Variants in ZZEF1 observed in about 807,000 individuals in gnomAD.
The protein encoded by ZZEF1 is zinc finger ZZ-type and EF-hand domain containing 1.
A neutral mutation model predicts 342.8 loss-of-function variants in ZZEF1; 157 were observed. The ratio of observed to expected loss-of-function variants is 0.46; its 90% CI spans 0.40 to 0.52. ZZEF1 has a LOEUF of 0.52. ZZEF1 is among the 20% of genes least tolerant of loss of function. The pLI, the probability that ZZEF1 is intolerant of heterozygous loss-of-function variation, is 0.00. For missense variants in ZZEF1, 3,480 were observed against 3,725.6 expected (o/e 0.93, Z 1.72); for synonymous variants, 1,505 against 1,429.1 (o/e 1.05, Z -1.20).
chr17:4,086,473 C>T lies in ZZEF1; in HGVS notation c.2512+13G>A. 6.2e-7 allele frequency: 1 copy of T among 1,613,880 alleles called. No individual in the cohort carries two copies. Among genetic ancestry groups the T allele is most frequent in the Non-Finnish European group, 8.5e-7 (1 of 1,179,902 alleles). ...ACACAGGGTTGTATTAAAGAGAAAA[C>T]CCAAATCCCTACCATCACACAAGTG... On this transcript the variant is annotated intron_variant, in intron 15 of 54. Coordinates refer to ENST00000381638, the MANE Select transcript of ZZEF1 (RefSeq NM_015113.4).
At chr17:4,009,286 G>A (rs566499277) in intron 53 of ZZEF1, 50 of 562,744 alleles carry the variant, frequency 8.9e-5, no homozygotes, top group African/African-American at 4.7e-4. Context: ...TGTGCTGAGG[G>A]GAGGAAAAAA....
chr17:4,053,932 T>A, intron 34 of ZZEF1, 125 bp downstream of exon 34: 3 of 1,094,452 alleles, frequency 2.7e-6, no homozygotes, highest in Non-Finnish European at 3.8e-6. Context: ...CGCCAAGAAG[T>A]CAGAGAAAAT....
chr17:4,104,012 T>C (rs899959540), intron 8 of ZZEF1, among the ~76,000 whole-genome samples: 5 of 152,186 alleles, frequency 3.3e-5, no homozygotes, highest in African/African-American at 1.2e-4. Context: ...AAGGCTGCAC[T>C]CACAAGTAGA....
chr17:4,115,954 A>G (rs1157340386), intron 3 of ZZEF1, among the ~76,000 whole-genome samples: 2 of 152,196 alleles, frequency 1.3e-5, no homozygotes, highest in Non-Finnish European at 2.9e-5. Context: ...TTTTCTTCCA[A>G]TATTTTTAGC....
At chr17:4,023,866 A>AC (rs2056334251) in intron 43 of ZZEF1, among the ~76,000 whole-genome samples, 6 of 151,980 alleles carry the variant, frequency 3.9e-5, no homozygotes, top group Admixed American at 3.9e-4. Context: ...CCACAAACAA[A>AC]CAAACCAACC....
intron 31 of ZZEF1, 57 bp from the exon 32 acceptor site, chr17:4,058,212 AG>A: frequency 6.6e-7 from 1 of 1,523,598 alleles, no homozygotes. Flanking sequence ...CAGAGGCAAC[AG>A]AAGCAATTCA....
At chr17:4,102,454 T>G in intron 8 of ZZEF1, 39 bp from the exon 9 acceptor site, 1 of 1,574,038 alleles carries the variant, frequency 6.4e-7, no homozygotes, top group Non-Finnish European at 8.7e-7. Flanking sequence ...TAAGCTAAAA[T>G]ATGAAGAACT....
intron 26 of ZZEF1, 30 bp downstream of exon 26, chr17:4,070,654 G>A (rs534182427): frequency 1.2e-6 from 2 of 1,601,626 alleles, no homozygotes; most frequent in African/African-American, 1.3e-5. Context: ...TTAGCCTTCA[G>A]ATCAAAAATA....
At chr17:4,083,792 C>G (rs2057769559) in intron 16 of ZZEF1, among the ~76,000 whole-genome samples, 2 of 152,142 alleles carry the variant, frequency 1.3e-5, no homozygotes, top group South Asian at 4.1e-4. Flanking sequence ...CATGTGCCAC[C>G]ACGCCCGGCT....
In ZZEF1 at chr17:4,072,685, C is replaced by T. The variant is rs773737974; in HGVS notation, c.3757G>A (p.Val1253Ile). The change falls in exon 25 of 55, where the codon GTC becomes ATC. Residue 1253 changes from valine to isoleucine, a missense_variant. Physicochemically the swap from Val to Ile is conservative, Grantham distance 29 (BLOSUM62 3). Coordinates refer to ENST00000381638, the MANE Select transcript of ZZEF1 (RefSeq NM_015113.4). ...LVLSSPLWKPVFRHQVCPELE... is the reference protein window; with the variant it reads ...LVLSSPLWKPIFRHQVCPELE... Reference sequence around the variant, plus strand: ...TCTGGACAAACCTGATGCCTGAAGACAGGTTTCCACAGTGGGGAGCTTAGG... The same window carrying T: ...TCTGGACAAACCTGATGCCTGAAGATAGGTTTCCACAGTGGGGAGCTTAGG... The T allele has an allele frequency of 1.1e-5, 17 of 1,613,958 alleles. No individual in the cohort carries two copies. The highest frequency in any genetic ancestry group is 1.4e-5 in the Non-Finnish European group (16 of 1,180,006).
chr17:4,142,971 G>A lies in ZZEF1; in HGVS notation c.-76C>T. The A allele has an allele frequency of 7.8e-7, 1 of 1,274,144 alleles. No individual in the cohort carries two copies. Among genetic ancestry groups the A allele is most frequent in the Non-Finnish European group, 9.9e-7 (1 of 1,014,272 alleles). 78.9% of individuals were successfully genotyped at this position (1,274,144 alleles called of 1,614,324 possible). Reference sequence around the variant, plus strand: ...CGCCTCGACCTGTCAACCTCCGACAGCAGCTGGCGGGCGGGGACGCGGAGG... The same window carrying A: ...CGCCTCGACCTGTCAACCTCCGACAACAGCTGGCGGGCGGGGACGCGGAGG... On this transcript the variant is annotated 5_prime_UTR_variant, in exon 1 of 55. Coordinates refer to ENST00000381638, the MANE Select transcript of ZZEF1 (RefSeq NM_015113.4).
Position 4,075,359 on chromosome 17 carries a change from T to A in ZZEF1, c.3305A>T (p.Asn1102Ile), listed in dbSNP as rs150027253. The A allele has an allele frequency of 6.2e-7, 1 of 1,614,252 alleles. No individual in the cohort carries two copies. The highest frequency in any genetic ancestry group is 8.5e-7 in the Non-Finnish European group (1 of 1,180,038). Residue 1102 changes from asparagine (N) to isoleucine (I), a missense_variant, in exon 22 of 55, where the codon AAC becomes ATC. This residue lies in a region of ZZEF1 where 1,528 missense variants were observed against 1,624.1 expected (regional missense o/e 0.94). Transcript: ENST00000381638. Reference sequence around the variant, plus strand: ...TACCTCATGGCAATTATTTTCATAGTTGTGGGCAGATTCCTTCGTCCACGT... The same window carrying A: ...TACCTCATGGCAATTATTTTCATAGATGTGGGCAGATTCCTTCGTCCACGT... Reference protein sequence around the residue: ...LHTWTKESAHNYENNCHEVSV... With the variant: ...LHTWTKESAHIYENNCHEVSV...
intron 42 of ZZEF1, among the ~76,000 whole-genome samples, chr17:4,026,641 C>T (rs2056412282): frequency 6.6e-6 from 1 of 151,682 alleles, no homozygotes; most frequent in Non-Finnish European, 1.5e-5. Context: ...CCTGCCTTGG[C>T]CTCCCAACTA....
intron 39 of ZZEF1, among the ~76,000 whole-genome samples, chr17:4,037,788 T>A (rs891880654): frequency 1.3e-5 from 2 of 152,176 alleles, no homozygotes; most frequent in Admixed American, 1.3e-4. Context: ...TTGCTATGTT[T>A]CCCAGGCTGG....
At chr17:4,137,750 T>C (rs2100437) in intron 1 of ZZEF1, among the ~76,000 whole-genome samples, 121,956 of 152,242 alleles carry the variant, frequency 0.8, 49,839 homozygotes, top group East Asian at 1. Context: ...CACAGCCTAG[T>C]TGCACAGCAA....
chr17:4,114,340 G>C lies in ZZEF1; in HGVS notation c.825C>G (p.Ser275=). The stretch of plus-strand genomic sequence containing the variant: ...AGGCACTGCCATCTGACTGCCAGTA[G>C]GATGAGGTTTCTCCATTTGTCATCT... ...IDKMTNGETS[S]YWQSDGSACS... is the part of the protein sequence containing the mutation. Residue 275 remains serine, a synonymous_variant, in exon 4 of 55, where the codon TCC becomes TCG. Coordinates refer to ENST00000381638, the MANE Select transcript of ZZEF1 (RefSeq NM_015113.4). 6.2e-7 allele frequency: 1 copy of C among 1,610,420 alleles called. No individual in the cohort carries two copies. The highest frequency in any genetic ancestry group is 1.3e-5 in the African/African-American group (1 of 74,900).
chr17:4,061,795 TC>T (rs112047906), intron 30 of ZZEF1, among the ~76,000 whole-genome samples: 9,691 of 152,200 alleles, frequency 0.064, 425 homozygotes, highest in South Asian at 0.12. Flanking sequence ...CTGAATCTCA[TC>T]CTTTCCTCCC....
In ZZEF1 at chr17:4,112,190, G is replaced by A. The variant is rs575743661; in HGVS notation, c.1066+419C>T. 8.0e-5 allele frequency among the ~76,000 whole-genome samples: 12 copies of A among 150,006 alleles called. No individual in the cohort carries two copies. The South Asian group carries it at 2.6e-3, about 32-fold the overall frequency. On this transcript the variant is annotated intron_variant, in intron 5 of 54. Coordinates refer to ENST00000381638, the MANE Select transcript of ZZEF1 (RefSeq NM_015113.4). ...AGATGGAGTCTTGCTCTGTCACCCA[G>A]GCTGGAGTGCAGTGGTGTGATCTCA...
At chr17:4,136,340 T>A (rs1352302535) in intron 1 of ZZEF1, among the ~76,000 whole-genome samples, 1 of 41,764 alleles carries the variant, frequency 2.4e-5, no homozygotes, top group African/African-American at 5.2e-5. Flanking sequence ...TGAGACTCCG[T>A]CTCAAAAAAA....
Sources: gnomAD v4.1 joint callset for allele counts (sites outside exome capture counted in the v4.1 genomes callset) on GRCh38, gnomAD v4.1.1 for gene constraint, gnomAD v4.1.1 regional missense constraint, MANE v1.5 for transcripts, NCBI Gene and HGNC (gene_info 2026-07-23, HGNC 2026-07-21) for gene names.